The following COL16A1 variants were observed in gnomAD, a reference collection of about 807,000 sequenced individuals.
The protein encoded by COL16A1 is collagen type XVI alpha 1 chain, also known as collagen alpha-1(XVI) chain.
A neutral mutation model predicts 266.3 loss-of-function variants in COL16A1; 189 were observed. The ratio of observed to expected loss-of-function variants is 0.71; its 90% CI spans 0.63 to 0.80. The LOEUF (loss-of-function observed/expected upper bound fraction) is 0.80. Ranked by LOEUF, COL16A1 falls within the 30% of genes least tolerant of loss-of-function variation. COL16A1 has a pLI of 0.00. For synonymous variants in COL16A1, 740 were observed against 782.3 expected (o/e 0.95, Z 0.90); for missense variants, 1,928 against 2,122.4 (o/e 0.91, Z 1.80).
intron 2 of COL16A1, among the ~76,000 whole-genome samples, chr1:31,701,706 G>A (rs1296862387): frequency 1.3e-5 from 2 of 152,108 alleles, no homozygotes; most frequent in African/African-American, 4.8e-5. Context: ...AGGACTTGGG[G>A]TTCTCTGGGG....
intron 13 of COL16A1, 111 bp from the exon 14 acceptor site, chr1:31,692,919 A>AG: frequency 1.7e-6 from 2 of 1,148,856 alleles, no homozygotes; most frequent in Non-Finnish European, 2.6e-6. Flanking sequence ...TCCCTAGAAA[A>AG]GGGGGGCTTC....
Position 31,698,377 on chromosome 1 carries a change from A to C in COL16A1, c.390+106T>G. The C allele has an allele frequency of 6.4e-7, 1 of 1,561,888 alleles. No individual in the cohort carries two copies. Among genetic ancestry groups the C allele is most frequent in the Non-Finnish European group, 8.7e-7 (1 of 1,150,388 alleles). On this transcript the variant is annotated intron_variant, in intron 5 of 70. Transcript: ENST00000373672. This position sits in a 1 kb window ranked among gnomAD's most constrained non-coding sequence, Gnocchi z 4.1. ...TGGGGACAGGCTTGAGGGTAGGCACAGGATGGAGCAGGGAGACCCCAGAAG... is the reference window on the plus strand; with the variant it reads ...TGGGGACAGGCTTGAGGGTAGGCACCGGATGGAGCAGGGAGACCCCAGAAG...
At chr1:31,703,138 CAT>C (rs1644779008) in intron 1 of COL16A1, among the ~76,000 whole-genome samples, 1 of 152,198 alleles carries the variant, frequency 6.6e-6, no homozygotes, top group Admixed American at 6.5e-5. Context: ...CTCACGGAAA[CAT>C]ATGCTCGCTG....
In COL16A1 at chr1:31,697,989, G is replaced by C; in HGVS notation, c.574C>G (p.Gln192Glu). Residue 192 changes from glutamine to glutamate, a missense_variant, in exon 6 of 71, where the codon CAG (glutamine) becomes GAG (glutamate). This residue lies in a region of COL16A1 where 1,552 missense variants were observed against 1,637.2 expected (regional missense o/e 0.95). Coordinates refer to ENST00000373672, the MANE Select transcript of COL16A1 (RefSeq NM_001856.4). This position sits in a 1 kb window ranked among gnomAD's most constrained non-coding sequence, Gnocchi z 4.2. ...ATGGGTCGTCGGGGCCCCAGAGGCT[G>C]GGAGGAGGCTGAGCTGCAGTCCACG... is the stretch of plus-strand genomic sequence containing the variant. ...VHVDCSSASSQPLGPRRPMRP... is the reference protein window; with the variant it reads ...VHVDCSSASSEPLGPRRPMRP... The C allele has an allele frequency of 6.2e-7, 1 of 1,613,516 alleles. No individual in the cohort carries two copies. Among genetic ancestry groups the C allele is most frequent in the Middle Eastern group, 1.6e-4 (1 of 6,062 alleles).
At chr1:31,654,725 G>C in intron 68 of COL16A1, 67 bp downstream of exon 68, 1 of 1,612,430 alleles carries the variant, frequency 6.2e-7, no homozygotes, top group Non-Finnish European at 8.5e-7. Context: ...AAGAGGCCAA[G>C]GCAGGGCAGA....
intron 20 of COL16A1, 135 bp from the exon 21 acceptor site, chr1:31,690,708 C>A: frequency 5.7e-6 from 8 of 1,415,512 alleles, no homozygotes; most frequent in Non-Finnish European, 7.5e-6. Flanking sequence ...TTGTTCCATT[C>A]GGTCGGTTCC....
intron 42 of COL16A1, 61 bp downstream of exon 42, chr1:31,679,571 G>A: frequency 6.2e-7 from 1 of 1,614,094 alleles, no homozygotes; most frequent in Non-Finnish European, 8.5e-7. Flanking sequence ...CCAGCCGGGA[G>A]CAGCCATCCT....
In COL16A1 at chr1:31,688,831, G is replaced by A; in HGVS notation, c.1767+30C>T. ...ACAGTATGGCAAGGATGGCTGAACTGGGCTGGGCTGGGAGAAAGTCGTCAC... is the reference window on the plus strand; with the variant it reads ...ACAGTATGGCAAGGATGGCTGAACTAGGCTGGGCTGGGAGAAAGTCGTCAC... On this transcript the variant is annotated intron_variant, in intron 25 of 70. Coordinates refer to ENST00000373672, the MANE Select transcript of COL16A1 (RefSeq NM_001856.4). The surrounding 1 kb of genome is among the most constrained non-coding windows in gnomAD (Gnocchi z 4.9). 1 of 1,594,024 alleles carries A rather than the reference G, an allele frequency of 6.3e-7. No homozygotes were observed. Among genetic ancestry groups the A allele is most frequent in the Non-Finnish European group, 8.6e-7 (1 of 1,166,914 alleles).
At position 31,698,018 on chromosome 1, in the gene COL16A1, A is replaced by G; in HGVS notation, c.545T>C (p.Val182Ala). The change falls in exon 6 of 71, where the codon GTG becomes GCG. Residue 182 changes from valine (V) to alanine (A), a missense_variant. Physicochemically the swap from Val to Ala is moderately conservative, Grantham distance 64. Around this residue, in one of 2 missense-constraint regions of COL16A1, gnomAD observed 1,552 missense variants for 1,637.2 expected, o/e 0.95. Transcript: ENST00000373672. This position sits in a 1 kb window ranked among gnomAD's most constrained non-coding sequence, Gnocchi z 4.1. ...GGAGGCTGAGCTGCAGTCCACGTGC[A>G]CAGAGGCCACACGTCCAGCCACACT... ...MLSVAGRVAS[V>A]HVDCSSASSQ... The G allele has an allele frequency of 6.2e-7, 1 of 1,613,628 alleles. No individual in the cohort carries two copies. The highest frequency in any genetic ancestry group is 8.5e-7 in the Non-Finnish European group (1 of 1,180,032).
Position 31,688,826 on chromosome 1 carries a change from G to C in COL16A1, c.1767+35C>G. ...GATCAACAGTATGGCAAGGATGGCT[G>C]AACTGGGCTGGGCTGGGAGAAAGTC... On this transcript the variant is annotated intron_variant, in intron 25 of 70. Coordinates refer to ENST00000373672, the MANE Select transcript of COL16A1 (RefSeq NM_001856.4). The surrounding 1 kb of genome is among the most constrained non-coding windows in gnomAD (Gnocchi z 4.9). 1 of 1,588,058 alleles carries C rather than the reference G, an allele frequency of 6.3e-7. No homozygotes were observed. The highest frequency in any genetic ancestry group is 8.6e-7 in the Non-Finnish European group (1 of 1,163,386).
intron 11 of COL16A1, among the ~76,000 whole-genome samples, chr1:31,694,914 C>T (rs148043314): frequency 9.2e-5 from 14 of 152,306 alleles, no homozygotes; most frequent in Admixed American, 2.0e-4. Flanking sequence ...GCAACCAAGG[C>T]GCTGGTCCTG....
In COL16A1 at chr1:31,689,732, G is replaced by T; in HGVS notation, c.1620+9C>A. On this transcript the variant is annotated intron_variant, in intron 23 of 70. Transcript: ENST00000373672. Reference sequence around the variant, plus strand: ...GGGAGGTCCCTCAATGGTCACCCTGGGCACTCACCCTGGCTGGTACAGGAT... The same window carrying T: ...GGGAGGTCCCTCAATGGTCACCCTGTGCACTCACCCTGGCTGGTACAGGAT... The T allele has an allele frequency of 6.2e-7, 1 of 1,610,454 alleles. No homozygotes were observed. Among genetic ancestry groups the T allele is most frequent in the Non-Finnish European group, 8.5e-7 (1 of 1,176,788 alleles).
chr1:31,684,497 G>C (rs763451573), intron 31 of COL16A1, 26 bp downstream of exon 31: 1 of 1,598,640 alleles, frequency 6.3e-7, no homozygotes, highest in Non-Finnish European at 8.5e-7. Flanking sequence ...CAAACTCCCC[G>C]ACCCCAACCA....
chr1:31,675,043 C>T lies in COL16A1; in HGVS notation c.2827-4G>A. On this transcript the variant is annotated splice_polypyrimidine_tract_variant and splice_region_variant and intron_variant, in intron 43 of 70. Transcript: ENST00000373672. ...GCTGTTCAATTGGTAAGGATCCCTG[C>T]AAGAGACAGATGTGTGGGCTCAAGC... The T allele has an allele frequency of 1.2e-6, 2 of 1,613,252 alleles. No individual in the cohort carries two copies. Among genetic ancestry groups the T allele is most frequent in the East Asian group, 2.2e-5 (1 of 44,884 alleles).
At chr1:31,660,932 G>A (rs978635528) in intron 61 of COL16A1, 134 bp downstream of exon 61, 1 of 1,025,486 alleles carries the variant, frequency 9.8e-7, no homozygotes. Flanking sequence ...TGCAGTGTTG[G>A]GTGACACCCC....
Position 31,690,393 on chromosome 1 carries a change from C to T in COL16A1, c.1483G>A (p.Gly495Arg). ...TTCTCTCCCTTCACACCTGGCTTCC[C>T]CTGTTAGAAAAGAGGCAATGGGCAT... ...PGKEGPGGKP[G>R]KPGVKGEKGD... The change falls in exon 22 of 71, where the codon GGG becomes AGG. Residue 495 changes from glycine (G) to arginine (R), a missense_variant and splice_region_variant. Around this residue, in one of 2 missense-constraint regions of COL16A1, gnomAD observed 1,552 missense variants for 1,637.2 expected, o/e 0.95. Transcript: ENST00000373672. 1 of 1,614,132 alleles carries T rather than the reference C, an allele frequency of 6.2e-7. No individual in the cohort carries two copies. Among genetic ancestry groups the T allele is most frequent in the Non-Finnish European group, 8.5e-7 (1 of 1,180,028 alleles).
chr1:31,684,427 G>GC, intron 31 of COL16A1, 96 bp downstream of exon 31: 1 of 1,533,980 alleles, frequency 6.5e-7, no homozygotes, highest in Non-Finnish European at 8.8e-7. Context: ...AGCCGTTAAG[G>GC]CCCCAGCTGG....
Position 31,697,976 on chromosome 1 carries a change from G to A in COL16A1, c.587C>T (p.Pro196Leu). ...CSSASSQPLG[P>L]RRPMRPVGHV... ...GCCCACAGGCCTCATGGGTCGTCGGGGCCCCAGAGGCTGGGAGGAGGCTGA... is the reference window on the plus strand; with the variant it reads ...GCCCACAGGCCTCATGGGTCGTCGGAGCCCCAGAGGCTGGGAGGAGGCTGA... Residue 196 changes from proline (P) to leucine (L), a missense_variant, in exon 6 of 71, where the codon CCC becomes CTC. Coordinates refer to ENST00000373672, the MANE Select transcript of COL16A1 (RefSeq NM_001856.4). This position sits in a 1 kb window ranked among gnomAD's most constrained non-coding sequence, Gnocchi z 4.2. 3.7e-6 allele frequency: 6 copies of A among 1,613,450 alleles called. No homozygotes were observed. Among genetic ancestry groups the A allele is most frequent in the Non-Finnish European group, 5.1e-6 (6 of 1,180,020 alleles).
At position 31,653,976 on chromosome 1, in the gene COL16A1, T is replaced by C. The variant is rs757527600; in HGVS notation, c.4425A>G (p.Pro1475=). Residue 1475 remains proline (P), a synonymous_variant, in exon 69 of 71, where the codon CCA becomes CCG. Coordinates refer to ENST00000373672, the MANE Select transcript of COL16A1 (RefSeq NM_001856.4). ...PMEMAAAPGR[P]GPPGKDGAPG... ...GAGCACCATCCTTCCCTGGAGGCCC[T>C]GGTCGTCCCGGAGCTGCCGCCATCT... The C allele has an allele frequency of 6.2e-7, 1 of 1,614,188 alleles. No homozygotes were observed. Among genetic ancestry groups the C allele is most frequent in the Non-Finnish European group, 8.5e-7 (1 of 1,180,036 alleles).
Sources: gnomAD v4.1 joint callset for allele counts (sites outside exome capture counted in the v4.1 genomes callset) on GRCh38, gnomAD v4.1.1 for gene constraint, gnomAD v4.1.1 regional missense constraint, Gnocchi (gnomAD v3.1) non-coding constraint, MANE v1.5 for transcripts, NCBI Gene and HGNC (gene_info 2026-07-23, HGNC 2026-07-21) for gene names.